The following PTPRD variants were observed in gnomAD, a reference collection of about 807,000 sequenced individuals.
The protein encoded by PTPRD is receptor-type tyrosine-protein phosphatase delta.
Under a neutral mutation model 214.5 loss-of-function variants are expected in PTPRD, and 34 were observed. The observed-to-expected ratio is 0.16, with a 90% CI of 0.12 to 0.21. The LOEUF (loss-of-function observed/expected upper bound fraction) is 0.21. PTPRD is among the 10% of genes least tolerant of loss of function. The probability of loss-of-function intolerance (pLI) is 1.00; values close to 1 mark genes in which losing one functional copy is unlikely to be tolerated. For synonymous variants in PTPRD, 1,128 were observed against 845.7 expected (o/e 1.33, Z -5.79); for missense variants, 2,545 against 2,398.7 (o/e 1.06, Z -1.27).
chr9:9,137,233 A>G (rs2099852288), intron 10 of PTPRD, among the ~76,000 whole-genome samples: 1 of 152,140 alleles, frequency 6.6e-6, no homozygotes, highest in African/African-American at 2.4e-5. Flanking sequence ...TTTTATTTTT[A>G]TTGTTTCAAT....
intron 34 of PTPRD, among the ~76,000 whole-genome samples, chr9:8,446,313 G>A (rs761365792): frequency 7.2e-5 from 11 of 152,160 alleles, no homozygotes; most frequent in South Asian, 4.1e-4. Flanking sequence ...CTTAAATCTC[G>A]ATTCTCCAAA....
At chr9:10,166,131 A>G (rs185432977) in intron 3 of PTPRD, among the ~76,000 whole-genome samples, 1 of 150,514 alleles carries the variant, frequency 6.6e-6, no homozygotes, top group Admixed American at 6.6e-5. Context: ...ACATACATAA[A>G]CCTATGTTTT....
intron 5 of PTPRD, among the ~76,000 whole-genome samples, chr9:9,928,754 C>A (rs73643823): frequency 1.9e-4 from 18 of 93,202 alleles, no homozygotes; most frequent in Admixed American, 8.7e-4. Context: ...ATCTCTCTCT[C>A]TATACACACA....
chr9:9,600,008 A>G (rs1307697802), intron 7 of PTPRD, among the ~76,000 whole-genome samples: 4 of 151,992 alleles, frequency 2.6e-5, no homozygotes, highest in East Asian at 3.9e-4. Context: ...GCTTGTTTCT[A>G]TAATAGGTAA....
At chr9:8,443,477 G>A (rs932409650) in intron 34 of PTPRD, among the ~76,000 whole-genome samples, 1 of 152,124 alleles carries the variant, frequency 6.6e-6, no homozygotes, top group African/African-American at 2.4e-5. Flanking sequence ...TTTCTGATCC[G>A]TTAACTTTTT....
intron 39 of PTPRD, among the ~76,000 whole-genome samples, chr9:8,344,379 GATACTACAGA>G (rs1212721458): frequency 6.6e-6 from 1 of 151,886 alleles, no homozygotes; most frequent in African/African-American, 2.4e-5. Context: ...CTGGCAGAAA[GATACTACAGA>G]ATCTTGCAAA....
At chr9:10,107,783 G>A (rs996707986) in intron 3 of PTPRD, among the ~76,000 whole-genome samples, 2 of 152,068 alleles carry the variant, frequency 1.3e-5, no homozygotes, top group African/African-American at 2.4e-5. Context: ...CATTAGAACT[G>A]CAATGTCAAC....
chr9:8,885,144 A>T (rs2098476378), intron 11 of PTPRD, among the ~76,000 whole-genome samples: 1 of 152,156 alleles, frequency 6.6e-6, no homozygotes, highest in South Asian at 2.1e-4. Context: ...GAGATTGATA[A>T]TGATGATAAT....
At position 9,281,446 on chromosome 9, in the gene PTPRD, A is replaced by G. The variant is rs141083164; in HGVS notation, c.-202-98083T>C. Among the ~76,000 whole-genome samples the G allele has an allele frequency of 9.2e-3, 1,394 of 151,438 alleles. 17 individuals carry two copies. Among genetic ancestry groups the G allele is most frequent in the Non-Finnish European group, 0.014 (926 of 67,528 alleles). On this transcript the variant is annotated intron_variant, in intron 9 of 45. Transcript: ENST00000381196. ...GAAAAAATGGACAAAATACTTTAAC[A>G]CAGCCTTGATAAAGAAGACATGAAG...
At chr9:10,005,600 C>G (rs2096457356) in intron 4 of PTPRD, among the ~76,000 whole-genome samples, 1 of 152,050 alleles carries the variant, frequency 6.6e-6, no homozygotes, top group Non-Finnish European at 1.5e-5. Flanking sequence ...GTAGAAATGT[C>G]TAGGGCAGAA....
chr9:8,510,865 C>A, intron 21 of PTPRD, among the ~76,000 whole-genome samples: 1 of 152,036 alleles, frequency 6.6e-6, no homozygotes, highest in East Asian at 1.9e-4. Flanking sequence ...TCCTAATGAG[C>A]ATAATATATG....
At chr9:8,447,539 G>A (rs576320113) in intron 34 of PTPRD, among the ~76,000 whole-genome samples, 1 of 152,334 alleles carries the variant, frequency 6.6e-6, no homozygotes, top group Non-Finnish European at 1.5e-5. Flanking sequence ...AAAGTGAGAA[G>A]TACTTGCAGA....
intron 11 of PTPRD, among the ~76,000 whole-genome samples, chr9:8,812,718 AGAG>A (rs2096835785): frequency 6.6e-6 from 1 of 152,000 alleles, no homozygotes; most frequent in Non-Finnish European, 1.5e-5. Context: ...CAAACTCTGG[AGAG>A]GAGGACTCGG....
At chr9:9,725,354 T>G (rs557981745) in intron 7 of PTPRD, among the ~76,000 whole-genome samples, 1 of 151,104 alleles carries the variant, frequency 6.6e-6, no homozygotes, top group South Asian at 2.1e-4. Flanking sequence ...GTAAAAGACA[T>G]AACTCACTCC....
intron 10 of PTPRD, among the ~76,000 whole-genome samples, chr9:9,115,554 A>G: frequency 6.6e-6 from 1 of 152,168 alleles, no homozygotes; most frequent in East Asian, 1.9e-4. Context: ...TACAGCCTCT[A>G]TGGAAAACAA....
intron 11 of PTPRD, among the ~76,000 whole-genome samples, chr9:8,969,636 A>G (rs780531728): frequency 3.3e-5 from 5 of 152,002 alleles, no homozygotes; most frequent in African/African-American, 7.2e-5. Context: ...ACTTATTAGA[A>G]TATTGGCTAT....
intron 2 of PTPRD, among the ~76,000 whole-genome samples, chr9:10,551,413 T>A (rs1273585037): frequency 1.3e-5 from 2 of 152,132 alleles, no homozygotes; most frequent in Non-Finnish European, 2.9e-5. Flanking sequence ...GGTTTGAATG[T>A]CTATGTTCCT....
At chr9:10,166,413 G>C (rs2099159740) in intron 3 of PTPRD, among the ~76,000 whole-genome samples, 1 of 151,662 alleles carries the variant, frequency 6.6e-6, no homozygotes. Flanking sequence ...CATTTTCATA[G>C]ATATTCAAAA....
At chr9:8,906,619 T>TGAAATTCCACTAATAGTGG (rs1362300911) in intron 11 of PTPRD, among the ~76,000 whole-genome samples, 1 of 152,204 alleles carries the variant, frequency 6.6e-6, no homozygotes, top group Non-Finnish European at 1.5e-5. Flanking sequence ...TAAAAAGTGC[T>TGAAATTCCACTAATAGTGG]GAAATTCCAC....
Sources: allele counts gnomAD v4.1 joint callset (sites outside exome capture counted in the v4.1 genomes callset), GRCh38; gene constraint gnomAD v4.1.1; transcripts MANE v1.5; gene names NCBI Gene and HGNC (gene_info 2026-07-23, HGNC 2026-07-21).